The following EXD2 variants were observed in gnomAD, a reference collection of about 807,000 sequenced individuals.
EXD2 encodes the protein exonuclease 3'-5' domain containing 2, also known as exonuclease 3'-5' domain-containing protein 2.
A neutral mutation model predicts 62.5 loss-of-function variants in EXD2; 40 were observed. The ratio of observed to expected loss-of-function variants is 0.64; its 90% CI spans 0.50 to 0.83. The LOEUF (loss-of-function observed/expected upper bound fraction) is 0.83, where lower values mean the gene tolerates loss of function less well. EXD2 is among the 40% of genes least tolerant of loss of function. EXD2 has a pLI of 0.00. For missense variants in EXD2, 671 were observed against 761.8 expected, an observed-to-expected ratio of 0.88 and a Z score of 1.40; for synonymous variants, 239 against 291.9, an observed-to-expected ratio of 0.82 and a Z score of 1.85.
intron 5 of EXD2, among the ~76,000 whole-genome samples, chr14:69,233,191 T>C (rs1462446201): frequency 6.6e-6 from 1 of 152,210 alleles, no homozygotes; most frequent in African/African-American, 2.4e-5. Flanking sequence ...GCACACATTC[T>C]TCTGTGGGAA....
intron 2 of EXD2, among the ~76,000 whole-genome samples, chr14:69,205,832 T>G (rs2042574735): frequency 6.6e-6 from 1 of 152,158 alleles, no homozygotes; most frequent in Non-Finnish European, 1.5e-5. Flanking sequence ...GGGTTCCCTT[T>G]TATGAGGATA....
chr14:69,236,458 G>A lies in EXD2; in HGVS notation c.1208G>A (p.Gly403Glu). 2.5e-6 allele frequency: 4 copies of A among 1,614,154 alleles called. No individual in the cohort carries two copies. Among genetic ancestry groups the A allele is most frequent in the Non-Finnish European group, 3.4e-6 (4 of 1,180,024 alleles). The change falls in exon 8 of 10, where the codon GGA becomes GAA. Residue 403 changes from glycine to glutamate, a missense_variant. Coordinates refer to ENST00000685843, the MANE Select transcript of EXD2 (RefSeq NM_001193360.2). ...GTGAAGCTACGGTTTGAACCTGCAG[G>A]AAGGCCCGAATCTCCTGGAGACTAT... is the stretch of plus-strand genomic sequence containing the variant. ...FVVKLRFEPA[G>E]RPESPGDYYL...
intron 8 of EXD2, 24 bp from the exon 9 acceptor site, chr14:69,237,551 G>C (rs773033981): frequency 2.5e-6 from 4 of 1,610,592 alleles, no homozygotes; most frequent in Non-Finnish European, 3.4e-6. Flanking sequence ...TATGAGCGCT[G>C]CTTTCCGGCT....
intron 3 of EXD2, among the ~76,000 whole-genome samples, chr14:69,226,566 G>C (rs1368232106): frequency 6.6e-6 from 1 of 152,096 alleles, no homozygotes; most frequent in Non-Finnish European, 1.5e-5. Context: ...TGGCCAACAT[G>C]GTGAAACCCT....
chr14:69,193,886 C>A (rs922959496), intron 1 of EXD2, among the ~76,000 whole-genome samples: 1 of 151,924 alleles, frequency 6.6e-6, no homozygotes, highest in African/African-American at 2.4e-5. Flanking sequence ...TGAGTAAAAG[C>A]GAGGGTGCTG....
At chr14:69,231,676 T>C (rs2043584184) in intron 5 of EXD2, among the ~76,000 whole-genome samples, 1 of 152,140 alleles carries the variant, frequency 6.6e-6, no homozygotes, top group Admixed American at 6.5e-5. Flanking sequence ...TCATTTTCCC[T>C]TGGAGCCTTC....
At chr14:69,225,236 A>G (rs2140292969) in intron 3 of EXD2, among the ~76,000 whole-genome samples, 1 of 152,372 alleles carries the variant, frequency 6.6e-6, no homozygotes, top group East Asian at 1.9e-4. Context: ...GTTCCAGCCC[A>G]GAAGATGGTC....
chr14:69,220,557 A>AT (rs535128926), intron 3 of EXD2, among the ~76,000 whole-genome samples: 9,319 of 113,376 alleles, frequency 0.082, 448 homozygotes, highest in South Asian at 0.15. Flanking sequence ...CGTGCTGGGC[A>AT]TTTTTTTTTT....
chr14:69,227,656 T>C (rs141038877), intron 3 of EXD2, among the ~76,000 whole-genome samples: 2,014 of 151,974 alleles, frequency 0.013, 42 homozygotes, highest in African/African-American at 0.047. Flanking sequence ...GAGACCAGGG[T>C]GACATGGTGA....
At chr14:69,193,368 C>G (rs1566811021) in intron 1 of EXD2, among the ~76,000 whole-genome samples, 1 of 152,124 alleles carries the variant, frequency 6.6e-6, no homozygotes, top group Non-Finnish European at 1.5e-5. Flanking sequence ...CCACCATGCT[C>G]TTTTGATCAT....
In EXD2 at chr14:69,209,393, T is replaced by C. The variant is rs1042474807; in HGVS notation, c.-47-31T>C. 2.0e-5 allele frequency: 24 copies of C among 1,224,120 alleles called. 1 individual carries two copies. The East Asian group carries it at 5.4e-4, about 28-fold the overall frequency. 75.8% of individuals were successfully genotyped at this position (1,224,120 alleles called of 1,614,324 possible). ...TTTATGTAAAGGTTTATATTCTGTA[T>C]ATAAATATATTTTTGCCATTTGTTT... On this transcript the variant is annotated intron_variant, in intron 2 of 9. Transcript: ENST00000685843.
At chr14:69,196,001 G>T (rs1051750934) in intron 1 of EXD2, 2 of 152,172 alleles carry the variant, frequency 1.3e-5, no homozygotes, top group African/African-American at 4.8e-5. Context: ...GTGTCAGCAG[G>T]GTTGTGCTCT....
At chr14:69,202,448 G>T (rs1350455908) in intron 1 of EXD2, among the ~76,000 whole-genome samples, 1 of 152,156 alleles carries the variant, frequency 6.6e-6, no homozygotes, top group Non-Finnish European at 1.5e-5. Context: ...GTACTTGTGT[G>T]TGCTTCACTT....
In EXD2 at chr14:69,241,257, A is replaced by G. The variant is rs1297838257; in HGVS notation, c.*157A>G. 1 of 636,890 alleles carries G rather than the reference A, an allele frequency of 1.6e-6. No individual in the cohort carries two copies. The highest frequency in any genetic ancestry group is 3.0e-5 in the Admixed American group (1 of 33,810). 39.5% of individuals were successfully genotyped at this position (636,890 alleles called of 1,614,324 possible). ...TCCCAGGATGCTTCTGCTGGAGCAA[A>G]GATATTGTTTGAAGGAGAGTTTATG... On this transcript the variant is annotated 3_prime_UTR_variant, in exon 10 of 10. Coordinates refer to ENST00000685843, the MANE Select transcript of EXD2 (RefSeq NM_001193360.2).
intron 3 of EXD2, among the ~76,000 whole-genome samples, chr14:69,217,939 T>C (rs1273136439): frequency 2.0e-5 from 3 of 152,242 alleles, no homozygotes; most frequent in South Asian, 2.1e-4. Flanking sequence ...CAGTCTATCA[T>C]TGATGGACAT....
At chr14:69,196,829 C>T (rs2042221940) in intron 1 of EXD2, among the ~76,000 whole-genome samples, 1 of 151,682 alleles carries the variant, frequency 6.6e-6, no homozygotes, top group Non-Finnish European at 1.5e-5. Context: ...CACTATGTTG[C>T]CCAGGCTAGT....
At chr14:69,207,201 A>T (rs1164267192) in intron 2 of EXD2, among the ~76,000 whole-genome samples, 4 of 150,518 alleles carry the variant, frequency 2.7e-5, no homozygotes, top group Admixed American at 6.6e-5. Flanking sequence ...TAAATATGAA[A>T]TTTTTTTTTT....
intron 1 of EXD2, among the ~76,000 whole-genome samples, chr14:69,197,839 T>C (rs144354170): frequency 6.6e-6 from 1 of 152,236 alleles, no homozygotes; most frequent in African/African-American, 2.4e-5. Flanking sequence ...TTTTGAGTAT[T>C]TCTATAAAAC....
chr14:69,220,243 T>TCG (rs1220823662), intron 3 of EXD2, among the ~76,000 whole-genome samples: 2 of 142,742 alleles, frequency 1.4e-5, no homozygotes, highest in African/African-American at 5.1e-5. Context: ...AGCAAGTGTT[T>TCG]TGTCTCTCTG....
Sources: allele counts gnomAD v4.1 joint callset (sites outside exome capture counted in the v4.1 genomes callset), GRCh38; gene constraint gnomAD v4.1.1; transcripts MANE v1.5; gene names NCBI Gene and HGNC (gene_info 2026-07-23, HGNC 2026-07-21).